COL19A1: variants seen among roughly 807,000 people sequenced by gnomAD.
COL19A1 encodes the protein collagen alpha-1(XIX) chain.
Under a neutral mutation model 190.2 loss-of-function variants are expected in COL19A1, and 159 were observed. The ratio of observed to expected loss-of-function variants is 0.84; its 90% CI spans 0.73 to 0.95. The LOEUF (loss-of-function observed/expected upper bound fraction) is 0.95, where lower values mean the gene tolerates loss of function less well. COL19A1 is among the 40% of genes least tolerant of loss of function. The pLI is 0.00. For missense variants in COL19A1, 1,418 were observed against 1,431.9 expected (o/e 0.99, Z 0.16); for synonymous variants, 509 against 458.9 (o/e 1.11, Z -1.39).
Position 70,150,055 on chromosome 6 carries a change from C to A in COL19A1, c.2037+10C>A, listed in dbSNP as rs780564857. 3.7e-6 allele frequency: 6 copies of A among 1,613,272 alleles called. No homozygotes were observed. The South Asian group carries it at 4.4e-5, about 12-fold the overall frequency. Reference sequence around the variant, plus strand: ...CCCCCCAGGTGACCCGGTATGTAGACAAACCTTGTCTGATTTATGTATCTT... The same window carrying A: ...CCCCCCAGGTGACCCGGTATGTAGAAAAACCTTGTCTGATTTATGTATCTT... On this transcript the variant is annotated intron_variant, in intron 30 of 50. Coordinates refer to ENST00000620364, the MANE Select transcript of COL19A1 (RefSeq NM_001858.6).
intron 11 of COL19A1, among the ~76,000 whole-genome samples, chr6:69,989,148 C>T (rs970080613): frequency 2.0e-5 from 3 of 152,016 alleles, no homozygotes; most frequent in Non-Finnish European, 4.4e-5. Flanking sequence ...AATTACATAC[C>T]GCTAAGTTTT....
intron 1 of COL19A1, among the ~76,000 whole-genome samples, chr6:69,875,609 A>C (rs575923429): frequency 6.6e-6 from 1 of 152,290 alleles, no homozygotes; most frequent in African/African-American, 2.4e-5. Flanking sequence ...GTTTGGAAGT[A>C]GGAGATGGGG....
intron 9 of COL19A1, among the ~76,000 whole-genome samples, chr6:69,955,522 AGTGTGTGT>A (rs60501043): frequency 0.018 from 2,552 of 138,938 alleles, 26 homozygotes; most frequent in South Asian, 0.026. Flanking sequence ...GCCACAGCAA[AGTGTGTGT>A]GTGTGTGTGT....
At chr6:70,184,601 G>A in intron 44 of COL19A1, 102 bp from the exon 45 acceptor site, 4 of 905,358 alleles carry the variant, frequency 4.4e-6, no homozygotes, top group Non-Finnish European at 6.8e-6. Context: ...CAAGCTCTCA[G>A]TAGAAATATG....
At position 70,182,660 on chromosome 6, in the gene COL19A1, A is replaced by G. The variant is rs189371889; in HGVS notation, c.2776-2043A>G. Among the ~76,000 whole-genome samples, 11 of 152,316 alleles carry G rather than the reference A, an allele frequency of 7.2e-5. No homozygotes were observed. The East Asian group carries it at 1.9e-3, about 27-fold the overall frequency. ...TCCTTGATGTCAAGTGAACTGTTTTAAGAGAAAGGAGAAAGCAGTAAGGAG... is the reference window on the plus strand; with the variant it reads ...TCCTTGATGTCAAGTGAACTGTTTTGAGAGAAAGGAGAAAGCAGTAAGGAG... On this transcript the variant is annotated intron_variant, in intron 44 of 50. Coordinates refer to ENST00000620364, the MANE Select transcript of COL19A1 (RefSeq NM_001858.6).
chr6:70,200,074 C>G, intron 49 of COL19A1: 1 of 172,738 alleles, frequency 5.8e-6, no homozygotes, highest in Non-Finnish European at 1.3e-5. Context: ...ATTTTTTAGG[C>G]TTCCCCTTTT....
intron 14 of COL19A1, among the ~76,000 whole-genome samples, chr6:70,058,790 A>G (rs1366055569): frequency 1.3e-5 from 2 of 152,046 alleles, no homozygotes; most frequent in East Asian, 3.8e-4. Flanking sequence ...AGGTTAAAAA[A>G]AATTATGGCA....
At chr6:70,134,793 A>G (rs1238283170) in intron 18 of COL19A1, among the ~76,000 whole-genome samples, 6 of 152,228 alleles carry the variant, frequency 3.9e-5, no homozygotes, top group Non-Finnish European at 2.9e-5. Flanking sequence ...GACCAAATAC[A>G]TGAATTTTTC....
At chr6:70,164,514 AC>A (rs750295073) in intron 36 of COL19A1, among the ~76,000 whole-genome samples, 2 of 152,182 alleles carry the variant, frequency 1.3e-5, no homozygotes, top group Non-Finnish European at 2.9e-5. Flanking sequence ...TAGTCTCTGC[AC>A]ATTTTTTTCT....
chr6:70,176,645 A>G (rs1199464374), intron 42 of COL19A1, 81 bp downstream of exon 42: 3 of 1,380,272 alleles, frequency 2.2e-6, no homozygotes, highest in Non-Finnish European at 3.0e-6. Context: ...GGATCAAGAC[A>G]GGCAGGAGAG....
chr6:70,099,966 T>C (rs1412160766), intron 15 of COL19A1, among the ~76,000 whole-genome samples: 2 of 152,220 alleles, frequency 1.3e-5, no homozygotes, highest in Non-Finnish European at 2.9e-5. Flanking sequence ...TCTTGGATGC[T>C]TTTTACTCCT....
chr6:70,131,408 C>T (rs1785513156), intron 18 of COL19A1, among the ~76,000 whole-genome samples: 1 of 152,122 alleles, frequency 6.6e-6, no homozygotes, highest in African/African-American at 2.4e-5. Context: ...AAAAGATAGT[C>T]TCACCAGAAA....
At chr6:70,075,034 A>G (rs930962936) in intron 15 of COL19A1, among the ~76,000 whole-genome samples, 3 of 152,224 alleles carry the variant, frequency 2.0e-5, no homozygotes, top group African/African-American at 4.8e-5. Flanking sequence ...GTATTCTACA[A>G]CTATTGGTTC....
chr6:70,168,495 A>G (rs1282680444), intron 39 of COL19A1, among the ~76,000 whole-genome samples, 160 bp from the exon 40 acceptor site: 1 of 152,204 alleles, frequency 6.6e-6, no homozygotes, highest in Non-Finnish European at 1.5e-5. Context: ...ATTTCCATCA[A>G]GTTATATTTA....
rs551453942 is a variant in COL19A1 at position 70,108,217 on chromosome 6, C to T, written c.1278+5995C>T. ...TCTCATTCATCATTACTGGAAAAAG[C>T]GTTTATTAAAAACCACACTAATTTA... is the stretch of plus-strand genomic sequence containing the variant. On this transcript the variant is annotated intron_variant, in intron 16 of 50. Coordinates refer to ENST00000620364, the MANE Select transcript of COL19A1 (RefSeq NM_001858.6). Among the ~76,000 whole-genome samples, 159 of 152,210 alleles carry T rather than the reference C, an allele frequency of 1.0e-3. 1 individual carries two copies. The highest frequency in any genetic ancestry group is 1.8e-3 in the Non-Finnish European group (121 of 67,994).
chr6:70,000,165 G>A (rs890848502), intron 11 of COL19A1, among the ~76,000 whole-genome samples: 2 of 151,978 alleles, frequency 1.3e-5, no homozygotes, highest in Non-Finnish European at 2.9e-5. Flanking sequence ...GATGGTTTCC[G>A]GCTTCATCCA....
At chr6:70,106,329 CGTGTGTGT>C (rs55854953) in intron 16 of COL19A1, among the ~76,000 whole-genome samples, 2 of 149,348 alleles carry the variant, frequency 1.3e-5, no homozygotes, top group Non-Finnish European at 3.0e-5. Context: ...TAAGTGTGTG[CGTGTGTGT>C]GTGTGTGTGT....
At chr6:70,080,841 C>A (rs949210362) in intron 15 of COL19A1, among the ~76,000 whole-genome samples, 21 of 152,180 alleles carry the variant, frequency 1.4e-4, no homozygotes, top group Non-Finnish European at 8.8e-5. Context: ...TCAGTAAGTC[C>A]TTGTGGTTAT....
intron 15 of COL19A1, among the ~76,000 whole-genome samples, chr6:70,101,668 A>G (rs1783638836): frequency 6.6e-6 from 1 of 152,088 alleles, no homozygotes. Flanking sequence ...TTAAAAATGC[A>G]GATTCGTGGC....
Sources: gnomAD v4.1 joint callset for allele counts (sites outside exome capture counted in the v4.1 genomes callset) on GRCh38, gnomAD v4.1.1 for gene constraint, MANE v1.5 for transcripts, NCBI Gene and HGNC (gene_info 2026-07-23, HGNC 2026-07-21) for gene names.